COL25A1: variants seen among roughly 807,000 people sequenced by gnomAD.
The protein encoded by COL25A1 is collagen alpha-1(XXV) chain.
COL25A1 carries 103 observed loss-of-function variants against 128.4 expected under a neutral mutation model. The observed-to-expected ratio is 0.80, with a 90% CI of 0.68 to 0.94. The LOEUF is 0.94. COL25A1 is among the 40% of genes least tolerant of loss of function. COL25A1 has a pLI of 0.00. For synonymous variants in COL25A1, 279 were observed against 277.2 expected (o/e 1.01, Z -0.06); for missense variants, 745 against 840.0 (o/e 0.89, Z 1.40).
At chr4:109,127,482 CTTTTATTTATTTATTTTTATTTT>C (rs2126063266) in intron 3 of COL25A1, among the ~76,000 whole-genome samples, 1 of 152,148 alleles carries the variant, frequency 6.6e-6, no homozygotes, top group South Asian at 2.1e-4. Context: ...AAGTTACTTT[CTTTTATTTATTTATTTTTATTTT>C]TAAATAGATA....
At chr4:108,898,965 C>T (rs1742480748) in intron 15 of COL25A1, among the ~76,000 whole-genome samples, 189 bp downstream of exon 15, 1 of 150,980 alleles carries the variant, frequency 6.6e-6, no homozygotes, top group Non-Finnish European at 1.5e-5. Flanking sequence ...TGAAAAAACA[C>T]AGGAGTCATA....
intron 5 of COL25A1, among the ~76,000 whole-genome samples, chr4:109,012,677 A>G (rs1184930383): frequency 1.3e-5 from 2 of 152,184 alleles, no homozygotes; most frequent in East Asian, 3.9e-4. Flanking sequence ...CGCCCGCACC[A>G]CGCTTGAATT....
chr4:109,246,272 A>G (rs1780261630), intron 3 of COL25A1, among the ~76,000 whole-genome samples: 1 of 152,178 alleles, frequency 6.6e-6, no homozygotes, highest in African/African-American at 2.4e-5. Flanking sequence ...AAGCAGAGAT[A>G]TAAAATGCAA....
At chr4:108,912,813 C>T (rs537905497) in intron 13 of COL25A1, among the ~76,000 whole-genome samples, 2 of 152,052 alleles carry the variant, frequency 1.3e-5, no homozygotes, top group South Asian at 4.2e-4. Context: ...AATAAAAATG[C>T]CATTAAAAAT....
In COL25A1 at chr4:108,811,732, TCAAAA is replaced by T. The variant is rs2125698102; in HGVS notation, c.*2190_*2194del. 6.6e-6 allele frequency: 1 copy of T among 152,276 alleles called. No individual in the cohort carries two copies. The highest frequency in any genetic ancestry group is 1.9e-4 in the East Asian group (1 of 5,180). The allele number at this position is 152,276 out of a possible 1,614,324, so 9.4% of individuals were successfully genotyped here. A position where few individuals can be genotyped will look rare whatever the true frequency, so the allele number is the denominator to read the frequency against. ...TGTTAGAAAATGTCCTCCATTATTT[TCAAAA>T]TGCTAAACTGGCTTAGGGGTGTGGA... is the stretch of plus-strand genomic sequence containing the variant. On this transcript the variant is annotated 3_prime_UTR_variant, in exon 38 of 38. Coordinates refer to ENST00000399132, the MANE Select transcript of COL25A1 (RefSeq NM_198721.4).
intron 26 of COL25A1, among the ~76,000 whole-genome samples, chr4:108,849,797 A>G (rs1280085482): frequency 1.3e-5 from 2 of 152,200 alleles, no homozygotes; most frequent in Non-Finnish European, 1.5e-5. Flanking sequence ...CTGTTTGGTG[A>G]TACTATAAAC....
At chr4:109,066,966 C>T (rs1762504920) in intron 3 of COL25A1, among the ~76,000 whole-genome samples, 1 of 152,186 alleles carries the variant, frequency 6.6e-6, no homozygotes, top group Admixed American at 6.5e-5. Context: ...CCACTACACC[C>T]AGCCCCAAAA....
At chr4:109,144,659 A>T (rs943849995) in intron 3 of COL25A1, among the ~76,000 whole-genome samples, 1 of 152,210 alleles carries the variant, frequency 6.6e-6, no homozygotes, top group African/African-American at 2.4e-5. Context: ...TCAGACTCAC[A>T]TCTCATCAGA....
intron 13 of COL25A1, among the ~76,000 whole-genome samples, chr4:108,908,679 A>T (rs534878601): frequency 2.0e-4 from 30 of 152,134 alleles, no homozygotes; most frequent in African/African-American, 6.5e-4. Flanking sequence ...AAGACAAGGG[A>T]ATTGCAATGG....
At chr4:109,232,717 C>T (rs916368838) in intron 3 of COL25A1, among the ~76,000 whole-genome samples, 8 of 152,102 alleles carry the variant, frequency 5.3e-5, no homozygotes, top group Admixed American at 3.9e-4. Context: ...CCAGAAAGAA[C>T]AATACATTAT....
intron 3 of COL25A1, among the ~76,000 whole-genome samples, chr4:109,201,534 C>T (rs1370431089): frequency 6.6e-6 from 1 of 152,178 alleles, no homozygotes; most frequent in African/African-American, 2.4e-5. Flanking sequence ...ATTAACATCA[C>T]ACTTAATGGT....
At chr4:109,134,061 G>C (rs1165441167) in intron 3 of COL25A1, among the ~76,000 whole-genome samples, 1 of 151,730 alleles carries the variant, frequency 6.6e-6, no homozygotes, top group Non-Finnish European at 1.5e-5. Flanking sequence ...AAGAATCAAA[G>C]AAAATACCTC....
intron 3 of COL25A1, among the ~76,000 whole-genome samples, chr4:109,297,152 C>A (rs541011329): frequency 1.3e-5 from 2 of 151,896 alleles, no homozygotes; most frequent in African/African-American, 4.8e-5. Context: ...TTCTTTAAAC[C>A]AAATATTTTT....
chr4:109,173,972 T>C (rs556591701), intron 3 of COL25A1, among the ~76,000 whole-genome samples: 87 of 152,316 alleles, frequency 5.7e-4, no homozygotes, highest in African/African-American at 2.0e-3. Context: ...TTTTGGATTT[T>C]AGAGCACTTC....
At chr4:109,133,290 A>C (rs1418657288) in intron 3 of COL25A1, among the ~76,000 whole-genome samples, 1 of 152,110 alleles carries the variant, frequency 6.6e-6, no homozygotes, top group East Asian at 1.9e-4. Flanking sequence ...GCTATGACCC[A>C]AGTAATAGAA....
At position 109,066,806 on chromosome 4, in the gene COL25A1, G is replaced by A. The variant is rs868735154; in HGVS notation, c.368-16627C>T. ...CTCTCCCATGTAGCTAGGACTACAGGTGCATGACACCACACCTGGCTAATT... is the reference window on the plus strand; with the variant it reads ...CTCTCCCATGTAGCTAGGACTACAGATGCATGACACCACACCTGGCTAATT... On this transcript the variant is annotated intron_variant, in intron 3 of 37. Transcript: ENST00000399132. 5.9e-5 allele frequency among the ~76,000 whole-genome samples: 9 copies of A among 152,084 alleles called. No individual in the cohort carries two copies. The South Asian group carries it at 6.2e-4, about 11-fold the overall frequency.
At chr4:109,041,272 G>A (rs1486663431) in intron 5 of COL25A1, among the ~76,000 whole-genome samples, 1 of 152,010 alleles carries the variant, frequency 6.6e-6, no homozygotes, top group Non-Finnish European at 1.5e-5. Flanking sequence ...CACTATCAAT[G>A]AGATTATGAA....
intron 6 of COL25A1, among the ~76,000 whole-genome samples, chr4:108,977,420 G>A (rs1244742743): frequency 1.3e-5 from 2 of 152,124 alleles, no homozygotes; most frequent in African/African-American, 4.8e-5. Context: ...AGTACAGTCT[G>A]TGTGTTCATC....
chr4:108,913,161 C>A (rs1330156536), intron 13 of COL25A1, among the ~76,000 whole-genome samples: 1 of 150,396 alleles, frequency 6.6e-6, no homozygotes, highest in Admixed American at 6.6e-5. Flanking sequence ...TCATTTTAAT[C>A]CTGAAAATAT....
Sources: gnomAD v4.1 joint callset for allele counts (sites outside exome capture counted in the v4.1 genomes callset) on GRCh38, gnomAD v4.1.1 for gene constraint, MANE v1.5 for transcripts, NCBI Gene and HGNC (gene_info 2026-07-23, HGNC 2026-07-21) for gene names.